PTPRM: variants seen among roughly 807,000 people sequenced by gnomAD.
The protein encoded by PTPRM is protein tyrosine phosphatase receptor type M.
A neutral mutation model predicts 186.7 loss-of-function variants in PTPRM; 47 were observed. That is an observed-to-expected ratio of 0.25 (90% CI 0.20 to 0.32). PTPRM has a LOEUF of 0.32. Ranked by LOEUF, PTPRM falls within the 10% of genes least tolerant of loss-of-function variation. PTPRM has a pLI of 1.00. For missense variants in PTPRM, 1,494 were observed against 1,865.0 expected, an observed-to-expected ratio of 0.80 and a Z score of 3.66; for synonymous variants, 668 against 674.9, an observed-to-expected ratio of 0.99 and a Z score of 0.16.
chr18:8,061,293 G>A (rs1297232180), intron 7 of PTPRM, among the ~76,000 whole-genome samples: 1 of 98,230 alleles, frequency 1.0e-5, no homozygotes, highest in African/African-American at 4.3e-5. Context: ...GCCTTTTTTT[G>A]TTTTCCATTT....
chr18:8,319,817 T>C (rs1392386136), intron 22 of PTPRM, among the ~76,000 whole-genome samples: 2 of 152,136 alleles, frequency 1.3e-5, no homozygotes, highest in Admixed American at 6.6e-5. Context: ...TGAGCAAAGA[T>C]GTGGAAGCAG....
chr18:8,086,858 T>C (rs2090460457), intron 10 of PTPRM, among the ~76,000 whole-genome samples: 1 of 152,168 alleles, frequency 6.6e-6, no homozygotes, highest in Admixed American at 6.6e-5. Flanking sequence ...TGTGTAATAT[T>C]TTATGAGCAC....
chr18:7,662,643 T>C (rs1475012808), intron 1 of PTPRM, among the ~76,000 whole-genome samples: 1 of 152,104 alleles, frequency 6.6e-6, no homozygotes, highest in East Asian at 1.9e-4. Context: ...GATCTAGTAT[T>C]TGATAACACA....
intron 23 of PTPRM, among the ~76,000 whole-genome samples, chr18:8,362,184 G>C (rs935030684): frequency 6.6e-6 from 1 of 152,118 alleles, no homozygotes; most frequent in African/African-American, 2.4e-5. Context: ...GGCCCCAACT[G>C]CTCCCAGCTC....
intron 23 of PTPRM, among the ~76,000 whole-genome samples, chr18:8,346,620 G>A (rs747441325): frequency 9.9e-5 from 15 of 152,250 alleles, no homozygotes; most frequent in South Asian, 2.1e-4. Flanking sequence ...TGGGGTTCTC[G>A]TAAAGATTCA....
At chr18:8,276,316 C>G (rs188276207) in intron 19 of PTPRM, among the ~76,000 whole-genome samples, 1 of 152,228 alleles carries the variant, frequency 6.6e-6, no homozygotes, top group African/African-American at 2.4e-5. Flanking sequence ...AAGTAGGAGG[C>G]CTTCAGTTCT....
chr18:7,874,548 G>GTA (rs2048136059), intron 2 of PTPRM, among the ~76,000 whole-genome samples: 1 of 148,526 alleles, frequency 6.7e-6, no homozygotes, highest in Admixed American at 6.7e-5. Context: ...TATGCTAGAG[G>GTA]CAAAAAAAAA....
At chr18:8,240,307 T>C (rs1173332509) in intron 14 of PTPRM, among the ~76,000 whole-genome samples, 1 of 151,842 alleles carries the variant, frequency 6.6e-6, no homozygotes, top group Middle Eastern at 3.2e-3. Context: ...TATTGTATTT[T>C]TAATCAATTG....
chr18:7,890,698 T>C (rs1433561617), intron 3 of PTPRM, among the ~76,000 whole-genome samples: 1 of 152,186 alleles, frequency 6.6e-6, no homozygotes, highest in African/African-American at 2.4e-5. Flanking sequence ...GAAGAGTGAT[T>C]GCAAATAATT....
intron 4 of PTPRM, among the ~76,000 whole-genome samples, chr18:7,917,417 T>TC (rs2146685295): frequency 6.6e-6 from 1 of 152,178 alleles, no homozygotes; most frequent in South Asian, 2.1e-4. Context: ...GCGCCTGTAG[T>TC]CCCAGCTACT....
At chr18:7,738,376 T>A (rs2040815743) in intron 1 of PTPRM, among the ~76,000 whole-genome samples, 1 of 152,172 alleles carries the variant, frequency 6.6e-6, no homozygotes, top group South Asian at 2.1e-4. Context: ...GGAGGCCAGT[T>A]GGCGAGAGGT....
chr18:7,691,811 C>A lies in PTPRM; in HGVS notation c.74-82338C>A, dbSNP rs72899355. On this transcript the variant is annotated intron_variant, in intron 1 of 32. Transcript: ENST00000580170. ...ACAATTGGTCATGGTGGCACATGCT[C>A]GTAGTCCAAGCTACTCAGGCGGCTG... 5.6e-3 allele frequency among the ~76,000 whole-genome samples: 847 copies of A among 152,134 alleles called. 6 individuals carry two copies. Among genetic ancestry groups the A allele is most frequent in the Non-Finnish European group, 9.5e-3 (648 of 67,988 alleles).
intron 19 of PTPRM, among the ~76,000 whole-genome samples, chr18:8,258,661 G>A (rs1213725363): frequency 6.6e-6 from 1 of 152,032 alleles, no homozygotes; most frequent in East Asian, 1.9e-4. Context: ...AAATTATTCT[G>A]AAAGAATATG....
rs182787096 is a variant in PTPRM at position 7,702,199 on chromosome 18, T to A, written c.74-71950T>A. ...AGAATGATTTATAATTCTTTGGGTA[T>A]ATACTCAATAATGGGATTGTTGGGT... On this transcript the variant is annotated intron_variant, in intron 1 of 32. Coordinates refer to ENST00000580170, the MANE Select transcript of PTPRM (RefSeq NM_001105244.2). 1.8e-4 allele frequency among the ~76,000 whole-genome samples: 27 copies of A among 152,352 alleles called. No individual in the cohort carries two copies. The East Asian group carries it at 5.0e-3, about 28-fold the overall frequency.
chr18:7,981,575 G>A (rs767815635), intron 7 of PTPRM, among the ~76,000 whole-genome samples: 9 of 152,138 alleles, frequency 5.9e-5, no homozygotes, highest in South Asian at 2.1e-4. Flanking sequence ...TACTTGCCCC[G>A]GAGGAATGAC....
At chr18:7,763,224 T>G (rs1245110310) in intron 1 of PTPRM, among the ~76,000 whole-genome samples, 1 of 152,214 alleles carries the variant, frequency 6.6e-6, no homozygotes, top group Admixed American at 6.5e-5. Context: ...ATGCTGATCT[T>G]TAAGCATGAA....
intron 1 of PTPRM, among the ~76,000 whole-genome samples, chr18:7,650,932 CTTTT>C (rs35637548): frequency 5.8e-5 from 8 of 137,122 alleles, no homozygotes; most frequent in African/African-American, 1.1e-4. Context: ...AGAGAAATAT[CTTTT>C]TTTTTTTTTT....
chr18:7,662,770 G>C (rs2039008816), intron 1 of PTPRM, among the ~76,000 whole-genome samples: 1 of 152,110 alleles, frequency 6.6e-6, no homozygotes, highest in African/African-American at 2.4e-5. Flanking sequence ...CGTTTACCCT[G>C]ATGTGATTAT....
At chr18:8,269,952 C>A (rs1319943873) in intron 19 of PTPRM, 1 of 152,064 alleles carries the variant, frequency 6.6e-6, no homozygotes, top group Admixed American at 6.5e-5. Context: ...TAGGGAAATA[C>A]CCCCTGACAT....
Sources: gnomAD v4.1 joint callset for allele counts (sites outside exome capture counted in the v4.1 genomes callset) on GRCh38, gnomAD v4.1.1 for gene constraint, MANE v1.5 for transcripts, NCBI Gene and HGNC (gene_info 2026-07-23, HGNC 2026-07-21) for gene names.